The following ZNF81 variants were observed in gnomAD, a reference collection of about 807,000 sequenced individuals.
ZNF81 encodes the protein zinc finger protein 81 (HFZ20).
Under a neutral mutation model 32.3 loss-of-function variants are expected in ZNF81, and 5 were observed. That is an observed-to-expected ratio of 0.15 (90% CI 0.08 to 0.33). ZNF81 has a LOEUF of 0.33. Ranked by LOEUF, ZNF81 falls within the 10% of genes least tolerant of loss-of-function variation. The pLI is 1.00. For missense variants in ZNF81, 379 were observed against 479.8 expected (o/e 0.79, Z 1.96); for synonymous variants, 163 against 166.8 (o/e 0.98, Z 0.17).
In ZNF81 at chrX:47,901,959, A is replaced by G. The variant is rs782281579; in HGVS notation, c.277+6019A>G. ...ATTACTTTAAATTTCTTTTTCTTAA[A>G]TATGTGATAAAATTCACCAGTGAAC... On this transcript the variant is annotated intron_variant, in intron 4 of 4. Transcript: ENST00000338637. 2.1e-4 allele frequency among the ~76,000 whole-genome samples: 24 copies of G among 111,830 alleles called. No homozygotes were observed. The East Asian group carries it at 5.3e-3, about 25-fold the overall frequency.
intron 2 of ZNF81, among the ~76,000 whole-genome samples, chrX:47,855,915 G>A (rs1416140425): frequency 9.2e-6 from 1 of 108,275 alleles, no homozygotes; most frequent in Non-Finnish European, 1.9e-5. Flanking sequence ...CAGGCGTGAT[G>A]GTGCACGCCT....
chrX:47,891,384 G>A (rs1603199791), intron 3 of ZNF81, among the ~76,000 whole-genome samples: 1 of 112,398 alleles, frequency 8.9e-6, no homozygotes, highest in South Asian at 3.7e-4. Flanking sequence ...AGGTGAATGG[G>A]GATGTGGTGG....
chrX:47,905,587 C>G (rs2058718601), intron 4 of ZNF81, among the ~76,000 whole-genome samples: 1 of 110,226 alleles, frequency 9.1e-6, no homozygotes. Flanking sequence ...GCTTCTCAAA[C>G]TGGGGAACCC....
rs2146436475 is a variant in ZNF81 at position 47,925,023 on chromosome X, C to G, written c.*8391C>G. ...AACATTATAACCATAAATAATTGAG[C>G]ATTCATCTCCTAAAAATAAGGACAT... On this transcript the variant is annotated 3_prime_UTR_variant, in exon 5 of 5. Transcript: ENST00000338637. Among the ~76,000 whole-genome samples the G allele has an allele frequency of 9.0e-6, 1 of 111,258 alleles. No individual in the cohort carries two copies. Among genetic ancestry groups the G allele is most frequent in the African/African-American group, 3.3e-5 (1 of 30,701 alleles).
chrX:47,884,243 T>TAAA (rs56255807), intron 2 of ZNF81, among the ~76,000 whole-genome samples: 2 of 31,251 alleles, frequency 6.4e-5, no homozygotes, highest in East Asian at 1.2e-3. Flanking sequence ...AGACGTCATC[T>TAAA]AAAAAAAAAA....
At chrX:47,839,012 T>G (rs1007419173) in intron 1 of ZNF81, among the ~76,000 whole-genome samples, 1 of 111,605 alleles carries the variant, frequency 9.0e-6, no homozygotes, top group African/African-American at 3.3e-5. Flanking sequence ...CTCAATCTCC[T>G]GGGCTCAAAT....
At chrX:47,864,056 G>A (rs782761642) in intron 2 of ZNF81, among the ~76,000 whole-genome samples, 1 of 111,727 alleles carries the variant, frequency 9.0e-6, no homozygotes, top group South Asian at 3.8e-4. Flanking sequence ...GACACTTTTT[G>A]TTCTGATCAT....
rs187576180 is a variant in ZNF81, at chrX:47,924,775, A to C, written c.*8143A>C. 2.0e-3 allele frequency among the ~76,000 whole-genome samples: 228 copies of C among 111,599 alleles called. 2 individuals are homozygous for C. The highest frequency in any genetic ancestry group is 3.9e-3 in the Non-Finnish European group (205 of 53,047). On this transcript the variant is annotated 3_prime_UTR_variant, in exon 5 of 5. Coordinates refer to ENST00000338637, the MANE Select transcript of ZNF81 (RefSeq NM_007137.5). ...TCCCTCCCTGGAGACTTTCCCAGAGAAGATTTGGTTGCATTCCAGGTTAAT... is the reference window on the plus strand; with the variant it reads ...TCCCTCCCTGGAGACTTTCCCAGAGCAGATTTGGTTGCATTCCAGGTTAAT...
At chrX:47,882,075 T>C (rs1459802111) in intron 2 of ZNF81, among the ~76,000 whole-genome samples, 1 of 111,703 alleles carries the variant, frequency 9.0e-6, no homozygotes, top group Admixed American at 9.5e-5. Flanking sequence ...CCTTTTGTTT[T>C]TTGTGGTTTT....
chrX:47,896,065 A>G, intron 4 of ZNF81, 125 bp downstream of exon 4: 1 of 514,787 alleles, frequency 1.9e-6, no homozygotes, highest in Non-Finnish European at 3.3e-6. Context: ...GCTTGAGGAT[A>G]GGTAGCATTG....
intron 2 of ZNF81, among the ~76,000 whole-genome samples, chrX:47,887,003 T>G (rs1388722187): frequency 8.9e-6 from 1 of 112,195 alleles, no homozygotes; most frequent in Non-Finnish European, 1.9e-5. Context: ...GTATATGGTG[T>G]GAGGCGTGGG....
At chrX:47,837,682 G>T (rs967592426) in intron 1 of ZNF81, among the ~76,000 whole-genome samples, 2 of 112,223 alleles carry the variant, frequency 1.8e-5, no homozygotes, top group Non-Finnish European at 3.8e-5. Context: ...ACTTGTGTGT[G>T]GGCTCTTTCT....
At chrX:47,908,502 C>CA (rs1417581366) in intron 4 of ZNF81, among the ~76,000 whole-genome samples, 1 of 111,619 alleles carries the variant, frequency 9.0e-6, no homozygotes, top group Non-Finnish European at 1.9e-5. Context: ...AAATGTACAC[C>CA]AATTCTGTGG....
chrX:47,897,136 G>A (rs1395210429), intron 4 of ZNF81, among the ~76,000 whole-genome samples: 2 of 112,122 alleles, frequency 1.8e-5, no homozygotes, highest in African/African-American at 6.5e-5. Context: ...ACTTACCTTT[G>A]TAAGAAATTG....
At chrX:47,884,177 G>A (rs782096898) in intron 2 of ZNF81, among the ~76,000 whole-genome samples, 3 of 105,307 alleles carry the variant, frequency 2.8e-5, no homozygotes, top group Non-Finnish European at 3.9e-5. Flanking sequence ...CCAGGGAGGC[G>A]GAGGTTGCAG....
In ZNF81 at chrX:47,850,891, GCACACACACA is replaced by G. The variant is rs782209480; in HGVS notation, c.54+4605_54+4614del. Among the ~76,000 whole-genome samples, 7 of 53,424 alleles carry G rather than the reference GCACACACACA, an allele frequency of 1.3e-4. No homozygotes were observed. In the South Asian group the frequency reaches 3.3e-3, roughly 26 times the overall value. 46.4% of individuals were successfully genotyped at this position (53,424 alleles called of 115,157 possible). A position where few individuals can be genotyped will look rare whatever the true frequency, so the allele number is the denominator to read the frequency against. ...CGTGCACTCATTCACAGGCACGCGC[GCACACACACA>G]CACACACACACACACACACACACAC... On this transcript the variant is annotated intron_variant, in intron 2 of 4. Transcript: ENST00000338637.
chrX:47,916,227 A>G lies in ZNF81; in HGVS notation c.1581A>G (p.Ile527Met). ...CTCATACTGGAGAAAAGTCTTATAT[A>G]TGTGCTGAATGTGGGAAGGCCTTCA... The part of the protein sequence containing the change: ...QKSHTGEKSY[I>M]CAECGKAFTD... The change falls in exon 5 of 5, where the codon ATA (isoleucine) becomes ATG (methionine). Residue 527 changes from isoleucine (I) to methionine (M), a missense_variant. By Grantham distance (10) the Ile-to-Met change is conservative. Around this residue, in one of 2 missense-constraint regions of ZNF81, gnomAD observed 102 missense variants for 173.2 expected, o/e 0.59. Coordinates refer to ENST00000338637, the MANE Select transcript of ZNF81 (RefSeq NM_007137.5). 2.5e-6 allele frequency: 3 copies of G among 1,211,410 alleles called. No individual in the cohort carries two copies. The highest frequency in any genetic ancestry group is 1.7e-5 in the African/African-American group (1 of 57,665).
At chrX:47,850,362 A>C (rs982656381) in intron 2 of ZNF81, among the ~76,000 whole-genome samples, 1 of 99,483 alleles carries the variant, frequency 1.0e-5, no homozygotes, top group Admixed American at 1.1e-4. Flanking sequence ...AAAAAAAAAA[A>C]AAAGAAAGAA....
chrX:47,854,779 A>G (rs542619892), intron 2 of ZNF81, among the ~76,000 whole-genome samples: 13 of 111,899 alleles, frequency 1.2e-4, no homozygotes, highest in Non-Finnish European at 2.4e-4. Context: ...ATCAAAGATC[A>G]CTGATCACAG....
Sources: allele counts gnomAD v4.1 joint callset (sites outside exome capture counted in the v4.1 genomes callset), GRCh38; gene constraint gnomAD v4.1.1; regional missense constraint gnomAD v4.1.1; transcripts MANE v1.5; gene names NCBI Gene and HGNC (gene_info 2026-07-23, HGNC 2026-07-21).